CHD3: variants seen among roughly 807,000 people sequenced by gnomAD.
The protein encoded by CHD3 is chromodomain helicase DNA binding protein 3.
CHD3 carries 52 observed loss-of-function variants against 248.9 expected under a neutral mutation model. That is an observed-to-expected ratio of 0.21 (90% CI 0.17 to 0.26). The LOEUF is 0.26. CHD3 is among the 10% of genes least tolerant of loss of function. The pLI is 1.00. For synonymous variants in CHD3, 985 were observed against 985.2 expected, an observed-to-expected ratio of 1.00 and a Z score of 0.00; for missense variants, 1,482 against 2,605.8, an observed-to-expected ratio of 0.57 and a Z score of 9.39.
upstream of CHD3, chr17:7,884,916 A>G: frequency 7.3e-7 from 1 of 1,366,290 alleles, no homozygotes. Flanking sequence ...GAGGAGGTGG[A>G]GGCGGCCGAC....
In CHD3 at chr17:7,899,667, C is replaced by T; in HGVS notation, c.2544+124C>T. On this transcript the variant is annotated intron_variant, in intron 15 of 39. Coordinates refer to ENST00000330494, the MANE Select transcript of CHD3 (RefSeq NM_001005273.3). The surrounding 1 kb of genome is among the most constrained non-coding windows in gnomAD (Gnocchi z 6.8). ...CCTCTTCCTCCACCTGTCCTCCTGT[C>T]TCTGCACTACCATCCTAGAGATATG... The T allele has an allele frequency of 1.0e-5, 11 of 1,066,504 alleles. No individual in the cohort carries two copies. The highest frequency in any genetic ancestry group is 1.5e-5 in the Non-Finnish European group (11 of 723,476). The allele number at this position is 1,066,504 out of a possible 1,614,324, so 66.1% of individuals were successfully genotyped here.
Position 7,908,956 on chromosome 17 carries a change from AGT to A in CHD3, c.5394+130_5394+131del. 7.0e-7 allele frequency: 1 copy of A among 1,438,696 alleles called. No individual in the cohort carries two copies. The highest frequency in any genetic ancestry group is 9.6e-7 in the Non-Finnish European group (1 of 1,043,374). 89.1% of individuals were successfully genotyped at this position (1,438,696 alleles called of 1,614,324 possible). A position where few individuals can be genotyped will look rare whatever the true frequency, so the allele number is the denominator to read the frequency against. On this transcript the variant is annotated intron_variant, in intron 36 of 39. Coordinates refer to ENST00000330494, the MANE Select transcript of CHD3 (RefSeq NM_001005273.3). This position sits in a 1 kb window ranked among gnomAD's most constrained non-coding sequence, Gnocchi z 5.8. ...AGGTGATACCTGGGGCCAAGACCAAAGTGTAACCTTGTGCTTGGGAGTGTGAT... is the reference window on the plus strand; with the variant it reads ...AGGTGATACCTGGGGCCAAGACCAAAGTAACCTTGTGCTTGGGAGTGTGAT...
chr17:7,902,974 C>T lies in CHD3; in HGVS notation c.3408C>T (p.Thr1136=). The T allele has an allele frequency of 1.2e-5, 19 of 1,614,108 alleles. No homozygotes were observed. Among genetic ancestry groups the T allele is most frequent in the Non-Finnish European group, 1.6e-5 (19 of 1,180,026 alleles). The part of the protein sequence containing the change: ...GAQQFCFLLS[T]RAGGLGINLA... ...AACAATTCTGCTTCCTCCTGTCCACCCGAGCTGGGGGCCTGGGCATCAATC... is the reference window on the plus strand; with the variant it reads ...AACAATTCTGCTTCCTCCTGTCCACTCGAGCTGGGGGCCTGGGCATCAATC... The change falls in exon 22 of 40, where the codon ACC becomes ACT. Residue 1136 remains threonine (T), a synonymous_variant. Transcript: ENST00000330494.
In CHD3 at chr17:7,910,668, T is replaced by C; in HGVS notation, c.5754+77T>C. On this transcript the variant is annotated intron_variant, in intron 38 of 39. Transcript: ENST00000330494. The surrounding 1 kb of genome is among the most constrained non-coding windows in gnomAD (Gnocchi z 4.7). ...ACACATACAAACACTTCCATCAGAA[T>C]CCTATACAATATGGAAAAACAACTT... The C allele has an allele frequency of 6.5e-7, 1 of 1,536,564 alleles. No homozygotes were observed. Among genetic ancestry groups the C allele is most frequent in the Non-Finnish European group, 8.8e-7 (1 of 1,141,790 alleles).
At position 7,910,576 on chromosome 17, in the gene CHD3, G is replaced by C. The variant is rs1205575996; in HGVS notation, c.5739G>C (p.Glu1913Asp). 3 of 1,610,658 alleles carry C rather than the reference G, an allele frequency of 1.9e-6. No homozygotes were observed. In the South Asian group the frequency reaches 3.3e-5, roughly 18 times the overall value. ...GCCGGCTGGCCAGCAAGGGCACGGA[G>C]CCTCACCCCACACCGGTAACCCTCT... ...ILSRLASKGT[E>D]PHPTPAYPPG... Residue 1913 changes from glutamate (E) to aspartate (D), a missense_variant, in exon 38 of 40, where the codon GAG (glutamate) becomes GAC (aspartate). This residue lies in a region of CHD3 where 117 missense variants were observed against 137.2 expected (regional missense o/e 0.85). Coordinates refer to ENST00000330494, the MANE Select transcript of CHD3 (RefSeq NM_001005273.3). The surrounding 1 kb of genome is among the most constrained non-coding windows in gnomAD (Gnocchi z 4.7).
rs914283490 is a variant in CHD3, at chr17:7,897,498, T to G, written c.1919+204T>G. Among the ~76,000 whole-genome samples the G allele has an allele frequency of 3.9e-5, 6 of 152,160 alleles. No homozygotes were observed. Among genetic ancestry groups the G allele is most frequent in the Non-Finnish European group, 4.4e-5 (3 of 68,034 alleles). ...AAAATCCGGCCAGGCAGTGCCTCTT[T>G]TGTCCTTTGCCTCCTGTCATCTCCA... On this transcript the variant is annotated intron_variant, in intron 11 of 39. Transcript: ENST00000330494. The surrounding 1 kb of genome is among the most constrained non-coding windows in gnomAD (Gnocchi z 4.8).
Position 7,908,549 on chromosome 17 carries a change from T to TAAAA in CHD3, c.5261+39_5261+40insAAAA. 6.3e-7 allele frequency: 1 copy of TAAAA among 1,577,512 alleles called. No individual in the cohort carries two copies. Among genetic ancestry groups the TAAAA allele is most frequent in the Non-Finnish European group, 8.7e-7 (1 of 1,153,856 alleles). On this transcript the variant is annotated intron_variant, in intron 35 of 39. Transcript: ENST00000330494. This position sits in a 1 kb window ranked among gnomAD's most constrained non-coding sequence, Gnocchi z 5.8. The stretch of plus-strand genomic sequence containing the variant: ...CACATGCAAGAAGGAAAAGGTTCTC[T>TAAAA]CAAGCTGGCAAAAAAAAAAAAGATG...
At chr17:7,891,263 G>C (rs938863014) in intron 4 of CHD3, among the ~76,000 whole-genome samples, 199 bp downstream of exon 4, 1 of 152,196 alleles carries the variant, frequency 6.6e-6, no homozygotes, top group African/African-American at 2.4e-5. Flanking sequence ...TCTTCACTGA[G>C]GGGCGAGGGG....
rs1969559700 is a variant in CHD3, at chr17:7,895,797, C to T, written c.1707+255C>T. ...TAACTTCATGTCCTTCCTTATCTGTCTTTTTCCATGTTTTATAATATTCCT... is the reference window on the plus strand; with the variant it reads ...TAACTTCATGTCCTTCCTTATCTGTTTTTTTCCATGTTTTATAATATTCCT... On this transcript the variant is annotated intron_variant, in intron 10 of 39. Transcript: ENST00000330494. The surrounding 1 kb of genome is among the most constrained non-coding windows in gnomAD (Gnocchi z 4.9). 6.6e-6 allele frequency among the ~76,000 whole-genome samples: 1 copy of T among 152,186 alleles called. No homozygotes were observed. The highest frequency in any genetic ancestry group is 1.5e-5 in the Non-Finnish European group (1 of 68,040).
intron 3 of CHD3, 36 bp downstream of exon 3, chr17:7,890,777 C>A: frequency 6.3e-7 from 1 of 1,583,710 alleles, no homozygotes; most frequent in Non-Finnish European, 8.6e-7. Context: ...GAGAAATCTG[C>A]ATTAAAGACG....
In CHD3 at chr17:7,895,264, C is replaced by A. The variant is rs1019097368; in HGVS notation, c.1504-75C>A. ...TCTGCACTCCCCCACCCTTGTGGGA[C>A]CCCTATCTTCTCATCTAACAATGGG... On this transcript the variant is annotated intron_variant, in intron 9 of 39. Transcript: ENST00000330494. This position sits in a 1 kb window ranked among gnomAD's most constrained non-coding sequence, Gnocchi z 4.9. 2.5e-6 allele frequency: 4 copies of A among 1,576,484 alleles called. No individual in the cohort carries two copies. In the South Asian group the frequency reaches 3.5e-5, roughly 14 times the overall value.
rs1971784280 is a variant in CHD3 at position 7,912,639 on chromosome 17, CCTTCA to C, written c.*1058_*1062del. ...AACCCCCCACTTCCTCTTTGCTGCCCCTTCACTTTCTTGCTGCCCCTTTCCCAGTC... is the reference window on the plus strand; with the variant it reads ...AACCCCCCACTTCCTCTTTGCTGCCCCTTTCTTGCTGCCCCTTTCCCAGTC... On this transcript the variant is annotated 3_prime_UTR_variant, in exon 40 of 40. Transcript: ENST00000330494. 1 of 152,148 alleles carries C rather than the reference CCTTCA, an allele frequency of 6.6e-6. No homozygotes were observed. The highest frequency in any genetic ancestry group is 6.6e-5 in the Admixed American group (1 of 15,248). 9.4% of individuals were successfully genotyped at this position (152,148 alleles called of 1,614,324 possible).
In CHD3 at chr17:7,891,862, C is replaced by CAA. The variant is rs201268003; in HGVS notation, c.509+810_509+811dup. Among the ~76,000 whole-genome samples the CAA allele has an allele frequency of 4.0e-5, 5 of 123,710 alleles. No individual in the cohort carries two copies. In the East Asian group the frequency reaches 9.1e-4, roughly 23 times the overall value. 81.2% of individuals were successfully genotyped at this position (123,710 alleles called of 152,430 possible). ...CTGGGCAACAAGCGAAACTCCGTCT[C>CAA]AAAAAAAAAAAAAGAAAAAATAGTG... On this transcript the variant is annotated intron_variant, in intron 4 of 39. Transcript: ENST00000330494.
At chr17:7,884,978 C>T (rs1597891609), upstream of CHD3, 3 of 1,276,342 alleles carry the variant, frequency 2.4e-6, no homozygotes, top group Non-Finnish European at 9.9e-7. Context: ...CGGGCCGGGC[C>T]ACGACCGGGG....
Position 7,910,921 on chromosome 17 carries a change from G to T in CHD3, c.5829G>T (p.Leu1943=). The part of the protein sequence containing the change: ...AAFSAAPVGA[L]AAAGANYSQM... Reference sequence around the variant, plus strand: ...TCAGCGCCGCACCCGTAGGGGCCCTGGCCGCCGCAGGCGCCAATTACAGCC... The same window carrying T: ...TCAGCGCCGCACCCGTAGGGGCCCTTGCCGCCGCAGGCGCCAATTACAGCC... The change falls in exon 39 of 40, where the codon CTG becomes CTT. Residue 1943 remains leucine, a synonymous_variant. Transcript: ENST00000330494. The surrounding 1 kb of genome is among the most constrained non-coding windows in gnomAD (Gnocchi z 4.7). 6.2e-7 allele frequency: 1 copy of T among 1,613,708 alleles called. No individual in the cohort carries two copies. Among genetic ancestry groups the T allele is most frequent in the Non-Finnish European group, 8.5e-7 (1 of 1,179,850 alleles).
chr17:7,904,419 T>G lies in CHD3; in HGVS notation c.3895-23T>G, dbSNP rs1242254441. ...TAGCAAAGAAGGAGACCCCCAGTGT[T>G]CATTCATTCTGTTGCCCTTCAGATT... On this transcript the variant is annotated intron_variant, in intron 24 of 39. Transcript: ENST00000330494. This position sits in a 1 kb window ranked among gnomAD's most constrained non-coding sequence, Gnocchi z 4.4. 1 of 1,603,372 alleles carries G rather than the reference T, an allele frequency of 6.2e-7. No homozygotes were observed. The highest frequency in any genetic ancestry group is 8.5e-7 in the Non-Finnish European group (1 of 1,172,012).
rs1971253670 is a variant in CHD3 at position 7,908,408 on chromosome 17, A to C, written c.5159A>C (p.His1720Pro). 6.2e-7 allele frequency: 1 copy of C among 1,612,740 alleles called. No homozygotes were observed. The highest frequency in any genetic ancestry group is 8.5e-7 in the Non-Finnish European group (1 of 1,179,348). Residue 1720 changes from histidine (H) to proline (P), a missense_variant, in exon 35 of 40, where the codon CAC (histidine) becomes CCC (proline). This residue lies in a region of CHD3 where 36 missense variants were observed against 70.4 expected (regional missense o/e 0.51). Transcript: ENST00000330494. The surrounding 1 kb of genome is among the most constrained non-coding windows in gnomAD (Gnocchi z 5.8). ...TCTGCTGCCTTCTTTGCAGAGCTTC[A>C]CACACTGTGGCAGAATGAGGAACGG... ...NIADGGFTEL[H>P]TLWQNEERAA...
At position 7,906,164 on chromosome 17, in the gene CHD3, C is replaced by G. The variant is rs751228376; in HGVS notation, c.4358+175C>G. ...GGGTGGTCTCAGCCCACTCCACCTCCCCTCAGCCGAGCCTAGAGTAGAGGG... is the reference window on the plus strand; with the variant it reads ...GGGTGGTCTCAGCCCACTCCACCTCGCCTCAGCCGAGCCTAGAGTAGAGGG... On this transcript the variant is annotated intron_variant, in intron 28 of 39. Coordinates refer to ENST00000330494, the MANE Select transcript of CHD3 (RefSeq NM_001005273.3). This position sits in a 1 kb window ranked among gnomAD's most constrained non-coding sequence, Gnocchi z 5.0. 2.9e-6 allele frequency: 3 copies of G among 1,018,318 alleles called. No homozygotes were observed. The East Asian group carries it at 7.1e-5, about 24-fold the overall frequency. The allele number at this position is 1,018,318 out of a possible 1,614,324, so 63.1% of individuals were successfully genotyped here.
Position 7,912,489 on chromosome 17 carries a change from T to C in CHD3, c.*904T>C, listed in dbSNP as rs1971769810. ...ATTTGTATAAGTCAGGCAGGGGACC[T>C]AGTCAGGGTCTTGGGAGCTACCTTG... On this transcript the variant is annotated 3_prime_UTR_variant, in exon 40 of 40. Coordinates refer to ENST00000330494, the MANE Select transcript of CHD3 (RefSeq NM_001005273.3). The C allele has an allele frequency of 6.6e-6, 1 of 152,170 alleles. No individual in the cohort carries two copies. The highest frequency in any genetic ancestry group is 2.4e-5 in the African/African-American group (1 of 41,414). 9.4% of individuals were successfully genotyped at this position (152,170 alleles called of 1,614,324 possible). A position where few individuals can be genotyped will look rare whatever the true frequency, so the allele number is the denominator to read the frequency against.
Sources: allele counts gnomAD v4.1 joint callset (sites outside exome capture counted in the v4.1 genomes callset), GRCh38; gene constraint gnomAD v4.1.1; regional missense constraint gnomAD v4.1.1; non-coding constraint Gnocchi (gnomAD v3.1); transcripts MANE v1.5; gene names NCBI Gene and HGNC (gene_info 2026-07-23, HGNC 2026-07-21).